ARPC1A: variants seen among roughly 807,000 people sequenced by gnomAD.
The protein encoded by ARPC1A is actin-related protein 2/3 complex subunit 1A.
A neutral mutation model predicts 46.9 loss-of-function variants in ARPC1A; 8 were observed. The observed-to-expected ratio is 0.17, with a 90% CI of 0.10 to 0.31. The LOEUF is 0.31. Among genes scored for constraint, ARPC1A ranks in the 10% least tolerant of loss-of-function variants. The probability of loss-of-function intolerance (pLI) is 1.00; values close to 1 mark genes in which losing one functional copy is unlikely to be tolerated. For synonymous variants in ARPC1A, 152 were observed against 169.0 expected, an observed-to-expected ratio of 0.90 and a Z score of 0.78; for missense variants, 286 against 483.6, an observed-to-expected ratio of 0.59 and a Z score of 3.83.
intron 9 of ARPC1A, among the ~76,000 whole-genome samples, chr7:99,365,183 G>T (rs548922299): frequency 2.0e-4 from 30 of 152,202 alleles, no homozygotes; most frequent in African/African-American, 7.2e-4. Context: ...AGGCGCAGTG[G>T]CTCATGCCTG....
chr7:99,349,728 T>C (rs1793517786), intron 5 of ARPC1A, among the ~76,000 whole-genome samples: 6 of 152,088 alleles, frequency 3.9e-5, no homozygotes, highest in Admixed American at 3.9e-4. Flanking sequence ...TAGTCCCAGC[T>C]ACTCGGGAGG....
intron 1 of ARPC1A, among the ~76,000 whole-genome samples, chr7:99,326,532 C>A (rs896559898): frequency 2.0e-5 from 3 of 152,314 alleles, no homozygotes; most frequent in African/African-American, 7.2e-5. Flanking sequence ...CCGCCTTCCC[C>A]CAAGTCAAAA....
chr7:99,352,542 G>A (rs1002205743), intron 5 of ARPC1A, among the ~76,000 whole-genome samples: 1 of 151,726 alleles, frequency 6.6e-6, no homozygotes, highest in African/African-American at 2.4e-5. Flanking sequence ...TGTAGTCCCA[G>A]CTACTCGAGA....
At chr7:99,354,184 C>T in intron 6 of ARPC1A, 63 bp downstream of exon 6, 10 of 1,548,508 alleles carry the variant, frequency 6.5e-6, no homozygotes, top group Non-Finnish European at 8.8e-6. Context: ...ACCAGCTGAA[C>T]CAGGACTGCC....
At chr7:99,356,957 A>G (rs137968095) in intron 6 of ARPC1A, among the ~76,000 whole-genome samples, 2 of 152,320 alleles carry the variant, frequency 1.3e-5, no homozygotes, top group East Asian at 3.9e-4. Flanking sequence ...GTAGTCTTTC[A>G]GAAGATTTCC....
chr7:99,340,983 A>G (rs1793348159), intron 3 of ARPC1A, among the ~76,000 whole-genome samples: 1 of 152,186 alleles, frequency 6.6e-6, no homozygotes, highest in African/African-American at 2.4e-5. Flanking sequence ...CAGTGGCCTC[A>G]TAGCCTAAGA....
At chr7:99,338,514 T>C (rs1293771495) in intron 3 of ARPC1A, among the ~76,000 whole-genome samples, 1 of 150,956 alleles carries the variant, frequency 6.6e-6, no homozygotes, top group Non-Finnish European at 1.5e-5. Flanking sequence ...GCTTCCTGAG[T>C]AGCTGGGATT....
intron 6 of ARPC1A, among the ~76,000 whole-genome samples, chr7:99,358,004 C>T (rs1793669736): frequency 6.6e-6 from 1 of 152,176 alleles, no homozygotes; most frequent in South Asian, 2.1e-4. Flanking sequence ...AGGGAGAAGC[C>T]ACTTTAGGCG....
At chr7:99,343,527 T>C (rs1380448175) in intron 3 of ARPC1A, among the ~76,000 whole-genome samples, 2 of 151,798 alleles carry the variant, frequency 1.3e-5, no homozygotes, top group African/African-American at 2.4e-5. Context: ...AAATGAGTCA[T>C]GGTGAATTTT....
chr7:99,358,294 C>G (rs1366644883), intron 6 of ARPC1A, 46 bp from the exon 7 acceptor site: 2 of 1,573,294 alleles, frequency 1.3e-6, no homozygotes, highest in Admixed American at 1.7e-5. Context: ...TGTAAAGAAG[C>G]TAATAGTCTG....
At chr7:99,358,774 A>G in intron 7 of ARPC1A, 1 of 194,400 alleles carries the variant, frequency 5.1e-6, no homozygotes, top group Non-Finnish European at 1.1e-5. Context: ...TCCCATCCTC[A>G]GGTGATCCAC....
At chr7:99,359,853 A>T in intron 8 of ARPC1A, 115 bp downstream of exon 8, 1 of 1,212,850 alleles carries the variant, frequency 8.2e-7, no homozygotes, top group Non-Finnish European at 1.2e-6. Flanking sequence ...ACATTCTTTC[A>T]GGGACAAGTG....
chr7:99,346,424 CTT>C (rs1562799619), intron 4 of ARPC1A, among the ~76,000 whole-genome samples: 1 of 152,146 alleles, frequency 6.6e-6, no homozygotes, highest in Non-Finnish European at 1.5e-5. Context: ...CTACAGGAAA[CTT>C]TTCTTCCAAG....
intron 8 of ARPC1A, among the ~76,000 whole-genome samples, chr7:99,362,098 C>T (rs998926084): frequency 6.6e-6 from 1 of 151,978 alleles, no homozygotes; most frequent in Admixed American, 6.6e-5. Context: ...TGGTCAAGAC[C>T]AGCCTGACCA....
intron 6 of ARPC1A, among the ~76,000 whole-genome samples, chr7:99,356,774 CT>C (rs1308741719): frequency 6.6e-6 from 1 of 152,028 alleles, no homozygotes; most frequent in Non-Finnish European, 1.5e-5. Context: ...GTGGCGGGCG[CT>C]TGTAGTCCCA....
chr7:99,360,048 G>T, intron 8 of ARPC1A: 1 of 428,000 alleles, frequency 2.3e-6, no homozygotes. Flanking sequence ...GCTTCCTAGG[G>T]TACCCTTTCT....
At chr7:99,354,836 G>A (rs906980897) in intron 6 of ARPC1A, among the ~76,000 whole-genome samples, 1 of 152,286 alleles carries the variant, frequency 6.6e-6, no homozygotes. Context: ...ACAAAAATTA[G>A]CCGCAGTGGC....
At position 99,357,524 on chromosome 7, in the gene ARPC1A, C is replaced by G. The variant is rs572173443; in HGVS notation, c.714-816C>G. Among the ~76,000 whole-genome samples the G allele has an allele frequency of 2.7e-4, 41 of 150,954 alleles. No individual in the cohort carries two copies. In the Middle Eastern group the frequency reaches 0.017, roughly 63 times the overall value. Reference sequence around the variant, plus strand: ...TTTTAATTTTTCGTAGAGACTGGGTCTCACTATGTTGTCCAGGCTGATCTC... The same window carrying G: ...TTTTAATTTTTCGTAGAGACTGGGTGTCACTATGTTGTCCAGGCTGATCTC... On this transcript the variant is annotated intron_variant, in intron 6 of 9. Transcript: ENST00000262942.
In ARPC1A at chr7:99,354,015, A is replaced by G; in HGVS notation, c.607A>G (p.Thr203Ala). The G allele has an allele frequency of 6.2e-7, 1 of 1,614,046 alleles. No homozygotes were observed. The highest frequency in any genetic ancestry group is 2.2e-5 in the East Asian group (1 of 44,890). Reference sequence around the variant, plus strand: ...GATGTCAGAGTTTGGTGGCAGTGGCACTGGTGGCTGGGTCCACGGGGTAAG... The same window carrying G: ...GATGTCAGAGTTTGGTGGCAGTGGCGCTGGTGGCTGGGTCCACGGGGTAAG... Reference protein sequence around the residue: ...QLMSEFGGSGTGGWVHGVSFS... With the variant: ...QLMSEFGGSGAGGWVHGVSFS... Residue 203 changes from threonine (T) to alanine (A), a missense_variant, in exon 6 of 10, where the codon ACT (threonine) becomes GCT (alanine). Physicochemically the swap from Thr to Ala is moderately conservative, Grantham distance 58 (BLOSUM62 0). Coordinates refer to ENST00000262942, the MANE Select transcript of ARPC1A (RefSeq NM_006409.4).
Sources: allele counts gnomAD v4.1 joint callset (sites outside exome capture counted in the v4.1 genomes callset), GRCh38; gene constraint gnomAD v4.1.1; transcripts MANE v1.5; gene names NCBI Gene and HGNC (gene_info 2026-07-23, HGNC 2026-07-21).